The following POLD3 variants were observed in gnomAD, a reference collection of about 807,000 sequenced individuals.
POLD3 encodes the protein DNA polymerase delta 3, accessory subunit.
A neutral mutation model predicts 58.2 loss-of-function variants in POLD3; 19 were observed. The observed-to-expected ratio is 0.33, with a 90% CI of 0.23 to 0.48. The LOEUF (loss-of-function observed/expected upper bound fraction) is 0.48. POLD3 is among the 20% of genes least tolerant of loss of function. The pLI, the probability that POLD3 is intolerant of heterozygous loss-of-function variation, is 0.99. For missense variants in POLD3, 504 were observed against 545.5 expected (o/e 0.92, Z 0.76); for synonymous variants, 172 against 193.5 (o/e 0.89, Z 0.92).
At chr11:74,608,789 C>G (rs1252320802) in intron 3 of POLD3, among the ~76,000 whole-genome samples, 1 of 152,152 alleles carries the variant, frequency 6.6e-6, no homozygotes, top group East Asian at 1.9e-4. Flanking sequence ...TCCTAATGGT[C>G]TGTAATTTTT....
At chr11:74,659,576 C>A (rs908211356) in intron 4 of POLD3, among the ~76,000 whole-genome samples, 2 of 152,114 alleles carry the variant, frequency 1.3e-5, no homozygotes, top group Admixed American at 6.5e-5. Flanking sequence ...CACCCAAGTC[C>A]CCTCTTGAAT....
At chr11:74,600,988 G>A (rs900275087) in intron 2 of POLD3, among the ~76,000 whole-genome samples, 1 of 151,982 alleles carries the variant, frequency 6.6e-6, no homozygotes, top group Non-Finnish European at 1.5e-5. Flanking sequence ...CAAAGTGCTG[G>A]GATTACAGGT....
intron 3 of POLD3, among the ~76,000 whole-genome samples, chr11:74,606,789 A>G (rs1331954754): frequency 2.0e-5 from 3 of 152,234 alleles, no homozygotes; most frequent in African/African-American, 4.8e-5. Context: ...TGTATAACCT[A>G]TAATCAGTTA....
At position 74,612,905 on chromosome 11, in the gene POLD3, C is replaced by A. The variant is rs761965729; in HGVS notation, c.287C>A (p.Ala96Asp). Residue 96 changes from alanine (A) to aspartate (D), a missense_variant, in exon 5 of 12, where the codon GCC becomes GAC. By Grantham distance (126) the Ala-to-Asp change is moderately radical. Transcript: ENST00000263681. ...EAVKSKLAVT[A>D]SIHVYSIQKA... is the part of the protein sequence containing the mutation. ...GTGAAGTCCAAGCTAGCTGTGACTG[C>A]CAGCATCCATGTGTACAGCATCCAG... 1.2e-6 allele frequency: 2 copies of A among 1,613,018 alleles called. No homozygotes were observed. The highest frequency in any genetic ancestry group is 1.7e-6 in the Non-Finnish European group (2 of 1,179,326).
chr11:74,613,827 G>C (rs1315213652), intron 5 of POLD3, among the ~76,000 whole-genome samples: 1 of 152,204 alleles, frequency 6.6e-6, no homozygotes, highest in Non-Finnish European at 1.5e-5. Context: ...ATGGTACAGT[G>C]TAAGAGTACT....
intron 5 of POLD3, among the ~76,000 whole-genome samples, chr11:74,614,898 G>C (rs2032036715): frequency 6.6e-6 from 1 of 152,060 alleles, no homozygotes; most frequent in Admixed American, 6.6e-5. Context: ...ATGACAAATT[G>C]GGTTTTAGAG....
Position 74,662,638 on chromosome 11 carries a change from G to A in POLD3, c.370-6139G>A, listed in dbSNP as rs116684443. ...TCATTGCTGAGAACTGTGCTGCTTGGAGTTGGAGGAGGAGTGGCACAAGCA... is the reference window on the plus strand; with the variant it reads ...TCATTGCTGAGAACTGTGCTGCTTGAAGTTGGAGGAGGAGTGGCACAAGCA... On this transcript the variant is annotated intron_variant, in intron 4 of 4. Coordinates refer to the POLD3 transcript ENST00000524752. Among the ~76,000 whole-genome samples the A allele has an allele frequency of 4.4e-3, 669 of 152,046 alleles. 2 individuals are homozygous for A. The highest frequency in any genetic ancestry group is 0.015 in the African/African-American group (635 of 41,468).
rs563764641 is a variant in POLD3, at chr11:74,621,469, G to T, written c.733+1380G>T. On this transcript the variant is annotated intron_variant, in intron 7 of 11. Coordinates refer to ENST00000263681, the MANE Select transcript of POLD3 (RefSeq NM_006591.3). ...TTGTCTTCCATGAAACTGGTCCCTG[G>T]TGCCAAAAAGGTTGGGGACTGCTGT... Among the ~76,000 whole-genome samples, 66 of 151,612 alleles carry T rather than the reference G, an allele frequency of 4.4e-4. 1 individual carries two copies. In the Middle Eastern group the frequency reaches 0.017, roughly 39 times the overall value.
Position 74,642,737 on chromosome 11 carries a change from C to G in POLD3, c.*1971C>G, listed in dbSNP as rs1185133726. On this transcript the variant is annotated 3_prime_UTR_variant, in exon 12 of 12. Transcript: ENST00000263681. The stretch of plus-strand genomic sequence containing the variant: ...AGTTGTTTTAAAACAGTGCTTCAAA[C>G]TGAGTATCTGATGAGTCTCTTATTT... 1 of 983,438 alleles carries G rather than the reference C, an allele frequency of 1.0e-6. No homozygotes were observed. Among genetic ancestry groups the G allele is most frequent in the Non-Finnish European group, 1.2e-6 (1 of 828,616 alleles). The allele number at this position is 983,438 out of a possible 1,614,324, so 60.9% of individuals were successfully genotyped here.
chr11:74,637,435 C>CTTTTTTTTTTTTTTTTTTTTTTTTCTT (rs5792663), intron 11 of POLD3, among the ~76,000 whole-genome samples: 2 of 115,466 alleles, frequency 1.7e-5, no homozygotes, highest in East Asian at 2.5e-4. Flanking sequence ...CTTTTTCTTC[C>CTTTTTTTTTTTTTTTTTTTTTTTTCTT]TTTTTTTTTT....
chr11:74,647,100 T>TG (rs1294041182), downstream of POLD3, among the ~76,000 whole-genome samples: 1 of 152,212 alleles, frequency 6.6e-6, no homozygotes, highest in Non-Finnish European at 1.5e-5. Context: ...GAGCATCTAA[T>TG]GCTGCAGTTG....
intron 3 of POLD3, among the ~76,000 whole-genome samples, chr11:74,609,442 C>T (rs1311699634): frequency 1.5e-5 from 2 of 132,204 alleles, no homozygotes; most frequent in South Asian, 2.5e-4. Context: ...AGTGCAGTGG[C>T]GTGATCTCAG....
rs558077661 is a variant in POLD3, at chr11:74,649,620, C to T, written c.369+13345C>T. ...GCTATCCTGAAGCTCCTGCATGAAA[C>T]CCCCCACTCTATCTTAGAATTGTGC... On this transcript the variant is annotated intron_variant, in intron 4 of 4. Coordinates refer to the POLD3 transcript ENST00000524752. Among the ~76,000 whole-genome samples the T allele has an allele frequency of 3.9e-5, 6 of 152,300 alleles. No homozygotes were observed. In the South Asian group the frequency reaches 1.2e-3, roughly 32 times the overall value.
chr11:74,614,675 A>G (rs1479563604), intron 5 of POLD3, among the ~76,000 whole-genome samples: 1 of 150,906 alleles, frequency 6.6e-6, no homozygotes, highest in African/African-American at 2.4e-5. Flanking sequence ...GCTCCACTGC[A>G]CTCCAGCCTG....
chr11:74,593,981 CT>C (rs2031129922), intron 1 of POLD3, 79 bp from the exon 2 acceptor site: 1 of 761,908 alleles, frequency 1.3e-6, no homozygotes, highest in East Asian at 2.5e-5. Context: ...GAATAGGAAT[CT>C]TTAGCAACAG....
At chr11:74,592,976 C>G (rs774953814) in intron 1 of POLD3, 7 of 1,353,212 alleles carry the variant, frequency 5.2e-6, no homozygotes, top group Non-Finnish European at 6.7e-6. Flanking sequence ...CCGCGGAGAC[C>G]GGGCGCGGAG....
downstream of POLD3, among the ~76,000 whole-genome samples, chr11:74,647,321 T>C (rs1402410032): frequency 6.6e-6 from 1 of 152,242 alleles, no homozygotes; most frequent in Admixed American, 6.5e-5. Flanking sequence ...TAAAACCTGA[T>C]AGGAGTGTTT....
downstream of POLD3, among the ~76,000 whole-genome samples, chr11:74,643,844 C>A (rs2032966501): frequency 6.6e-6 from 1 of 152,202 alleles, no homozygotes; most frequent in South Asian, 2.1e-4. Flanking sequence ...TCTACCCTTG[C>A]ATATGCACAT....
intron 5 of POLD3, among the ~76,000 whole-genome samples, chr11:74,617,344 G>A (rs943699988): frequency 9.2e-5 from 14 of 152,152 alleles, no homozygotes; most frequent in Admixed American, 9.2e-4. Context: ...TTAACAAATG[G>A]CTGTAAAGGA....
Sources: gnomAD v4.1 joint callset for allele counts (sites outside exome capture counted in the v4.1 genomes callset) on GRCh38, gnomAD v4.1.1 for gene constraint, MANE v1.5 for transcripts, NCBI Gene and HGNC (gene_info 2026-07-23, HGNC 2026-07-21) for gene names.